SCCPDH: variants seen among roughly 807,000 people sequenced by gnomAD.
SCCPDH encodes the protein saccharopine dehydrogenase-like oxidoreductase.
A neutral mutation model predicts 51.5 loss-of-function variants in SCCPDH; 34 were observed. That is an observed-to-expected ratio of 0.66 (90% CI 0.50 to 0.88). The LOEUF is 0.88. SCCPDH is among the 40% of genes least tolerant of loss of function. The pLI is 0.00. For synonymous variants in SCCPDH, 187 were observed against 191.3 expected, an observed-to-expected ratio of 0.98 and a Z score of 0.19; for missense variants, 464 against 527.1, an observed-to-expected ratio of 0.88 and a Z score of 1.17.
chr1:246,735,323 T>G (rs909265687), intron 2 of SCCPDH, among the ~76,000 whole-genome samples: 1 of 152,238 alleles, frequency 6.6e-6, no homozygotes, highest in East Asian at 1.9e-4. Flanking sequence ...TCCTTTTTCT[T>G]AACCTCTGCA....
intron 5 of SCCPDH, among the ~76,000 whole-genome samples, chr1:246,757,868 A>G (rs1168961347): frequency 1.3e-5 from 2 of 152,146 alleles, no homozygotes; most frequent in African/African-American, 2.4e-5. Flanking sequence ...TAGGGTGGCT[A>G]TTCCTGCAGA....
chr1:246,732,885 A>G (rs1351463354), intron 2 of SCCPDH, among the ~76,000 whole-genome samples: 1 of 152,198 alleles, frequency 6.6e-6, no homozygotes, highest in African/African-American at 2.4e-5. Context: ...TTAGAGAGGT[A>G]AAGTGACTTG....
chr1:246,751,731 T>G (rs573149125), intron 5 of SCCPDH, among the ~76,000 whole-genome samples: 1 of 152,126 alleles, frequency 6.6e-6, no homozygotes, highest in Non-Finnish European at 1.5e-5. Context: ...TAATTTACTT[T>G]AGGACAAGAA....
chr1:246,745,132 C>G (rs1489544950), intron 5 of SCCPDH, among the ~76,000 whole-genome samples: 1 of 152,178 alleles, frequency 6.6e-6, no homozygotes, highest in Non-Finnish European at 1.5e-5. Context: ...TGAGGTGAAT[C>G]TAGTCTTACT....
chr1:246,730,435 TA>T (rs2102980080), intron 2 of SCCPDH, among the ~76,000 whole-genome samples: 1 of 152,344 alleles, frequency 6.6e-6, no homozygotes, highest in East Asian at 1.9e-4. Flanking sequence ...GTTTAAGCTT[TA>T]GAACCTCAAT....
rs1281422643 is a variant in SCCPDH at position 246,766,146 on chromosome 1, T to C, written c.1184+7T>C. 2 of 1,587,318 alleles carry C rather than the reference T, an allele frequency of 1.3e-6. No homozygotes were observed. Among genetic ancestry groups the C allele is most frequent in the Non-Finnish European group, 1.7e-6 (2 of 1,161,194 alleles). ...CTTCTCATCTGCCTAAGGCGTAAGT[T>C]TGGTTTTCTTCCAATTAGAAGATCT... is the stretch of plus-strand genomic sequence containing the variant. On this transcript the variant is annotated splice_region_variant and intron_variant, in intron 11 of 11. Coordinates refer to ENST00000366510, the MANE Select transcript of SCCPDH (RefSeq NM_016002.3).
chr1:246,734,633 TAAGAGGG>T (rs1668541358), intron 2 of SCCPDH, among the ~76,000 whole-genome samples: 2 of 152,276 alleles, frequency 1.3e-5, no homozygotes, highest in East Asian at 3.9e-4. Flanking sequence ...TGGAGTTAGG[TAAGAGGG>T]CAGCCCATCT....
At chr1:246,753,816 C>G (rs773827961) in intron 5 of SCCPDH, among the ~76,000 whole-genome samples, 11 of 151,678 alleles carry the variant, frequency 7.3e-5, no homozygotes, top group African/African-American at 2.7e-4. Context: ...GGACTTAACG[C>G]TCGTAGTGAG....
rs752813667 is a variant in SCCPDH at position 246,764,339 on chromosome 1, A to G, written c.1084A>G (p.Thr362Ala). The G allele has an allele frequency of 3.1e-6, 5 of 1,609,980 alleles. No individual in the cohort carries two copies. The highest frequency in any genetic ancestry group is 1.7e-6 in the Non-Finnish European group (2 of 1,176,878). The change falls in exon 10 of 12, where the codon ACT becomes GCT. Residue 362 changes from threonine (T) to alanine (A), a missense_variant. By Grantham distance (58) the Thr-to-Ala change is moderately conservative. Coordinates refer to ENST00000366510, the MANE Select transcript of SCCPDH (RefSeq NM_016002.3). ...DKNKPNIKIC[T>A]QVKGPEAGYV... ...GAACAAACCAAATATCAAAATTTGT[A>G]CTCAGGTGAAAGGACCAGGTATTTC...
chr1:246,735,953 T>A, intron 2 of SCCPDH, 22 bp from the exon 3 acceptor site: 1 of 1,513,006 alleles, frequency 6.6e-7, no homozygotes. Flanking sequence ...GAATAACCTC[T>A]TTGTTCTTTT....
At chr1:246,746,196 C>T (rs1053059695) in intron 5 of SCCPDH, among the ~76,000 whole-genome samples, 1 of 151,922 alleles carries the variant, frequency 6.6e-6, no homozygotes, top group Non-Finnish European at 1.5e-5. Flanking sequence ...CTGAGCTCCC[C>T]GAGTGAGCAA....
Position 246,766,088 on chromosome 1 carries a change from T to TG in SCCPDH, c.1135dup (p.Val379GlyfsTer10). ...GGCTATGTGGCTACCCCCATAGCTA[T>TG]GGTTCAGGCAGCCATGACTCTTCTA... On this transcript the variant is annotated frameshift_variant, in exon 11 of 12. Transcript: ENST00000366510. LOFTEE classifies it high-confidence loss of function. 1 of 1,613,664 alleles carries TG rather than the reference T, an allele frequency of 6.2e-7. No homozygotes were observed. The highest frequency in any genetic ancestry group is 8.5e-7 in the Non-Finnish European group (1 of 1,179,792).
intron 2 of SCCPDH, among the ~76,000 whole-genome samples, chr1:246,729,846 G>T (rs1361585753): frequency 6.6e-6 from 1 of 151,594 alleles, no homozygotes; most frequent in Non-Finnish European, 1.5e-5. Context: ...GTATTAATTT[G>T]GGGAACTAAT....
intron 9 of SCCPDH, among the ~76,000 whole-genome samples, chr1:246,763,728 C>A (rs1669051069): frequency 1.3e-5 from 2 of 152,034 alleles, no homozygotes; most frequent in African/African-American, 4.8e-5. Context: ...GGTATCTGAC[C>A]CTTAGTTGAT....
chr1:246,739,983 A>G (rs771280685), intron 3 of SCCPDH, among the ~76,000 whole-genome samples, 189 bp from the exon 4 acceptor site: 1 of 152,206 alleles, frequency 6.6e-6, no homozygotes, highest in Non-Finnish European at 1.5e-5. Context: ...CTTCTGTACC[A>G]CCTGGTGTGC....
chr1:246,748,086 C>G (rs1668789205), intron 5 of SCCPDH, among the ~76,000 whole-genome samples: 1 of 151,938 alleles, frequency 6.6e-6, no homozygotes, highest in Admixed American at 6.6e-5. Context: ...CTTTTTTTAA[C>G]ATGTCTTGGC....
intron 5 of SCCPDH, among the ~76,000 whole-genome samples, chr1:246,751,027 T>C (rs1331856329): frequency 6.6e-6 from 1 of 152,234 alleles, no homozygotes; most frequent in Non-Finnish European, 1.5e-5. Flanking sequence ...GGAACAACAT[T>C]TCGCTCATAA....
At position 246,759,988 on chromosome 1, in the gene SCCPDH, G is replaced by A. The variant is rs758367901; in HGVS notation, c.845G>A (p.Gly282Asp). Reference protein sequence around the residue: ...VQYAAYVTVGGITSVIKLMFA... With the variant: ...VQYAAYVTVGDITSVIKLMFA... ...TATGCTGCGTATGTAACTGTGGGAG[G>A]CATCACCTCTGTTATTAAGCTGATG... is the stretch of plus-strand genomic sequence containing the variant. The change falls in exon 8 of 12, where the codon GGC becomes GAC. Residue 282 changes from glycine (G) to aspartate (D), a missense_variant. Coordinates refer to ENST00000366510, the MANE Select transcript of SCCPDH (RefSeq NM_016002.3). 1.2e-6 allele frequency: 2 copies of A among 1,613,386 alleles called. No homozygotes were observed. Among genetic ancestry groups the A allele is most frequent in the Non-Finnish European group, 1.7e-6 (2 of 1,179,598 alleles).
intron 9 of SCCPDH, among the ~76,000 whole-genome samples, chr1:246,763,716 A>G (rs1041994709): frequency 1.3e-5 from 2 of 152,110 alleles, no homozygotes; most frequent in African/African-American, 4.8e-5. Flanking sequence ...CAGGGCCTCA[A>G]TGGTATCTGA....
Sources: gnomAD v4.1 joint callset for allele counts (sites outside exome capture counted in the v4.1 genomes callset) on GRCh38, gnomAD v4.1.1 for gene constraint, MANE v1.5 for transcripts, NCBI Gene and HGNC (gene_info 2026-07-23, HGNC 2026-07-21) for gene names.